The following DLGAP4 variants were observed in gnomAD, a reference collection of about 807,000 sequenced individuals.
DLGAP4 encodes disks large-associated protein 4.
A neutral mutation model predicts 86.9 loss-of-function variants in DLGAP4; 18 were observed. The ratio of observed to expected loss-of-function variants is 0.21; its 90% CI spans 0.14 to 0.31. DLGAP4 has a LOEUF of 0.31. Among genes scored for constraint, DLGAP4 ranks in the 10% least tolerant of loss-of-function variants. DLGAP4 has a pLI of 1.00. For synonymous variants in DLGAP4, 548 were observed against 574.3 expected, an observed-to-expected ratio of 0.95 and a Z score of 0.65; for missense variants, 1,085 against 1,362.6, an observed-to-expected ratio of 0.80 and a Z score of 3.21.
intron 1 of DLGAP4, among the ~76,000 whole-genome samples, chr20:36,343,867 G>C (rs187919632): frequency 6.6e-6 from 1 of 152,222 alleles, no homozygotes. Flanking sequence ...CTGCTGGCCC[G>C]TGGCTACAGC....
At chr20:36,428,875 G>A (rs926375809) in intron 2 of DLGAP4, among the ~76,000 whole-genome samples, 2 of 152,202 alleles carry the variant, frequency 1.3e-5, no homozygotes, top group African/African-American at 2.4e-5. Context: ...GCCCAGGCTG[G>A]TCTCAAACTC....
intron 7 of DLGAP4, among the ~76,000 whole-genome samples, chr20:36,481,013 G>A (rs1004193100): frequency 7.2e-5 from 11 of 152,094 alleles, no homozygotes; most frequent in African/African-American, 2.4e-4. Flanking sequence ...AAAAAAAAAT[G>A]TTGAACTATG....
At chr20:36,384,989 G>A (rs940821414) in intron 2 of DLGAP4, among the ~76,000 whole-genome samples, 4 of 152,164 alleles carry the variant, frequency 2.6e-5, no homozygotes, top group African/African-American at 7.2e-5. Flanking sequence ...TGTTGAGAAA[G>A]GCCTTGAGAA....
Position 36,310,455 on chromosome 20 carries a change from G to A in DLGAP4, c.-304+3943G>A, listed in dbSNP as rs930680192. ...TTTGCTGTGTTTCTTTGGATGAGGC[G>A]TGTCCCCTCTCTGGGCTCCCTTGAT... is the stretch of plus-strand genomic sequence containing the variant. On this transcript the variant is annotated intron_variant, in intron 1 of 12. Coordinates refer to ENST00000339266, the MANE Select transcript of DLGAP4 (RefSeq NM_001365621.2). 3.3e-5 allele frequency among the ~76,000 whole-genome samples: 5 copies of A among 152,010 alleles called. No individual in the cohort carries two copies. The East Asian group carries it at 5.8e-4, about 18-fold the overall frequency.
intron 4 of DLGAP4, among the ~76,000 whole-genome samples, chr20:36,438,371 CAA>C (rs201711407): frequency 6.4e-5 from 5 of 77,998 alleles, no homozygotes; most frequent in Non-Finnish European, 1.1e-4. Flanking sequence ...GAGACTGTCT[CAA>C]AAAAAAATAT....
intron 7 of DLGAP4, among the ~76,000 whole-genome samples, chr20:36,451,766 A>AT (rs544609389): frequency 0.019 from 2,515 of 130,808 alleles, 43 homozygotes; most frequent in African/African-American, 0.048. Flanking sequence ...CTGAGGCTGT[A>AT]TTTTTTTTTT....
chr20:36,387,786 T>C (rs1255744759), intron 2 of DLGAP4, among the ~76,000 whole-genome samples: 2 of 152,264 alleles, frequency 1.3e-5, no homozygotes, highest in African/African-American at 4.8e-5. Flanking sequence ...ATACCATCTC[T>C]GTTTTATGTT....
intron 2 of DLGAP4, among the ~76,000 whole-genome samples, chr20:36,380,766 T>C (rs1037403157): frequency 6.6e-6 from 1 of 152,194 alleles, no homozygotes; most frequent in African/African-American, 2.4e-5. Context: ...TTCATTCTCA[T>C]GGCTACAAAA....
rs756994157 is a variant in DLGAP4 at position 36,500,451 on chromosome 20, C to T, written c.2352C>T (p.Leu784=). 38 of 1,583,174 alleles carry T rather than the reference C, an allele frequency of 2.4e-5. No individual in the cohort carries two copies. The highest frequency in any genetic ancestry group is 1.3e-4 in the African/African-American group (10 of 74,176). Residue 784 remains leucine (L), a synonymous_variant, in exon 10 of 13, where the codon CTC becomes CTT. Coordinates refer to ENST00000339266, the MANE Select transcript of DLGAP4 (RefSeq NM_001365621.2). This position sits in a 1 kb window ranked among gnomAD's most constrained non-coding sequence, Gnocchi z 4.6. Reference sequence around the variant, plus strand: ...CGCTGCCCCCACCCGACCCCTGGCTCGAGACCTCCTCCAGCTCCCCAGCAG... The same window carrying T: ...CGCTGCCCCCACCCGACCCCTGGCTTGAGACCTCCTCCAGCTCCCCAGCAG... ...ASSLPPPDPW[L]ETSSSSPAEP... is the part of the protein sequence containing the mutation.
rs1026839747 is a variant in DLGAP4, at chr20:36,383,895, A to C, written c.-73+16620A>C. On this transcript the variant is annotated intron_variant, in intron 2 of 12. Coordinates refer to ENST00000339266, the MANE Select transcript of DLGAP4 (RefSeq NM_001365621.2). Reference sequence around the variant, plus strand: ...GAGGCTGAGGCAGGAGAATGGCGTGAACCCGGGAGGCGGAGCTTGCAGTGA... The same window carrying C: ...GAGGCTGAGGCAGGAGAATGGCGTGCACCCGGGAGGCGGAGCTTGCAGTGA... Among the ~76,000 whole-genome samples the C allele has an allele frequency of 2.0e-5, 3 of 152,020 alleles. No individual in the cohort carries two copies. The East Asian group carries it at 5.8e-4, about 30-fold the overall frequency.
At position 36,509,209 on chromosome 20, in the gene DLGAP4, G is replaced by A. The variant is rs560933610; in HGVS notation, c.2512+8598G>A. Among the ~76,000 whole-genome samples the A allele has an allele frequency of 2.6e-5, 4 of 152,250 alleles. No individual in the cohort carries two copies. In the South Asian group the frequency reaches 8.3e-4, roughly 32 times the overall value. On this transcript the variant is annotated intron_variant, in intron 10 of 12. Coordinates refer to ENST00000339266, the MANE Select transcript of DLGAP4 (RefSeq NM_001365621.2). ...AGGCTGACGTGGGAAGATTGCTTGA[G>A]TTCAGGAGTTCAAAACTAGCCTGGA...
chr20:36,486,127 C>T (rs926615337), intron 7 of DLGAP4, among the ~76,000 whole-genome samples: 16 of 152,244 alleles, frequency 1.1e-4, no homozygotes, highest in African/African-American at 2.9e-4. Context: ...TTTGTTCATT[C>T]GTTCAGTAAA....
chr20:36,466,135 T>G (rs1308083679), intron 7 of DLGAP4, among the ~76,000 whole-genome samples: 1 of 152,228 alleles, frequency 6.6e-6, no homozygotes, highest in African/African-American at 2.4e-5. Flanking sequence ...CCCTAGGTTT[T>G]TAAACCAGCT....
intron 2 of DLGAP4, among the ~76,000 whole-genome samples, chr20:36,410,169 A>G (rs1346219739): frequency 6.6e-6 from 1 of 152,204 alleles, no homozygotes; most frequent in East Asian, 1.9e-4. Flanking sequence ...GAGGATTGGT[A>G]GCTGCATACT....
At chr20:36,390,770 T>G (rs2031758935) in intron 2 of DLGAP4, among the ~76,000 whole-genome samples, 1 of 152,130 alleles carries the variant, frequency 6.6e-6, no homozygotes, top group Non-Finnish European at 1.5e-5. Context: ...GCCCTGACCC[T>G]GGCCCCAGAC....
At chr20:36,435,784 G>C (rs960979128) in intron 3 of DLGAP4, among the ~76,000 whole-genome samples, 4 of 152,202 alleles carry the variant, frequency 2.6e-5, no homozygotes. Flanking sequence ...AGCATCCCCT[G>C]AGAGTCCACG....
At chr20:36,455,609 C>G (rs2033859800) in intron 7 of DLGAP4, among the ~76,000 whole-genome samples, 1 of 152,140 alleles carries the variant, frequency 6.6e-6, no homozygotes, top group Non-Finnish European at 1.5e-5. Flanking sequence ...TGGGCACCTG[C>G]CCTTCCCTGG....
intron 1 of DLGAP4, among the ~76,000 whole-genome samples, chr20:36,332,521 C>T (rs2065279758): frequency 6.6e-6 from 1 of 152,042 alleles, no homozygotes; most frequent in African/African-American, 2.4e-5. Flanking sequence ...TCCCTAGTAG[C>T]TGGGACTACA....
chr20:36,436,285 G>C lies in DLGAP4; in HGVS notation c.1176G>C (p.Ala392=). 3 of 1,604,996 alleles carry C rather than the reference G, an allele frequency of 1.9e-6. No homozygotes were observed. The highest frequency in any genetic ancestry group is 2.5e-6 in the Non-Finnish European group (3 of 1,179,174). Residue 392 remains alanine, a synonymous_variant, in exon 4 of 13, where the codon GCG becomes GCC. Coordinates refer to ENST00000339266, the MANE Select transcript of DLGAP4 (RefSeq NM_001365621.2). ...GGSPKPSPKT[A]ARRQSYLRAT... is the part of the protein sequence containing the mutation. ...GCCCCAAGCCCTCACCCAAGACCGC[G>C]GCGCGGCGCCAGAGCTATCTGAGGG...
Sources: allele counts gnomAD v4.1 joint callset (sites outside exome capture counted in the v4.1 genomes callset), GRCh38; gene constraint gnomAD v4.1.1; non-coding constraint Gnocchi (gnomAD v3.1); transcripts MANE v1.5; gene names NCBI Gene and HGNC (gene_info 2026-07-23, HGNC 2026-07-21).